The following GSE1 variants were observed in gnomAD, a reference collection of about 807,000 sequenced individuals.
The protein encoded by GSE1 is Gse1 coiled-coil protein.
Under a neutral mutation model 112.6 loss-of-function variants are expected in GSE1, and 32 were observed. That is an observed-to-expected ratio of 0.28 (90% CI 0.21 to 0.38). The LOEUF is 0.38. Ranked by LOEUF, GSE1 falls within the 10% of genes least tolerant of loss-of-function variation. The probability of loss-of-function intolerance (pLI) is 1.00; values close to 1 mark genes in which losing one functional copy is unlikely to be tolerated. For missense variants in GSE1, 2,348 were observed against 1,699.2 expected, an observed-to-expected ratio of 1.38 and a Z score of -6.71; for synonymous variants, 1,115 against 735.6, an observed-to-expected ratio of 1.52 and a Z score of -8.35.
intron 8 of GSE1, chr16:85,659,568 C>A (rs1252340284): frequency 2.0e-5 from 3 of 152,230 alleles, no homozygotes; most frequent in Non-Finnish European, 4.4e-5. Flanking sequence ...TGAACCAGGG[C>A]AGGTCGGAAA....
At chr16:85,591,331 C>G (rs912683754) in intron 1 of GSE1, among the ~76,000 whole-genome samples, 1 of 152,186 alleles carries the variant, frequency 6.6e-6, no homozygotes, top group African/African-American at 2.4e-5. Context: ...CCTGTCACCC[C>G]CAGCCTGAAT....
At chr16:85,478,037 T>C (rs184577664) in intron 2 of GSE1, among the ~76,000 whole-genome samples, 75 of 152,308 alleles carry the variant, frequency 4.9e-4, no homozygotes, top group African/African-American at 1.8e-3. Flanking sequence ...TCCTCATTTC[T>C]GCACCCTGGC....
At chr16:85,426,418 G>GTGAATGGATGAGTGAA (rs2048990098) in intron 2 of GSE1, among the ~76,000 whole-genome samples, 1 of 125,128 alleles carries the variant, frequency 8.0e-6, no homozygotes, top group East Asian at 2.7e-4. Context: ...GGATGGATGA[G>GTGAATGGATGAGTGAA]TGAATGGATG....
chr16:85,626,126 G>T (rs916009649), intron 1 of GSE1, among the ~76,000 whole-genome samples: 1 of 151,996 alleles, frequency 6.6e-6, no homozygotes, highest in African/African-American at 2.4e-5. Flanking sequence ...GCCTGGGGGG[G>T]TGTTTTTATT....
At chr16:85,466,482 A>C (rs1597839398) in intron 2 of GSE1, among the ~76,000 whole-genome samples, 1 of 152,320 alleles carries the variant, frequency 6.6e-6, no homozygotes, top group East Asian at 1.9e-4. Flanking sequence ...GCACACTGGC[A>C]GCTGAGCTCG....
intron 1 of GSE1, among the ~76,000 whole-genome samples, chr16:85,269,173 T>C (rs949845715): frequency 3.4e-5 from 5 of 149,234 alleles, no homozygotes; most frequent in African/African-American, 1.2e-4. Flanking sequence ...TGCCATCTAA[T>C]ATGGAGAGAT....
chr16:85,445,767 G>C (rs1292920340), intron 2 of GSE1, among the ~76,000 whole-genome samples: 6 of 152,298 alleles, frequency 3.9e-5, no homozygotes, highest in African/African-American at 1.2e-4. Flanking sequence ...CTGGTGGGTG[G>C]CTGGCCTGCT....
At chr16:85,172,728 G>C (rs1486943137) in intron 1 of GSE1, among the ~76,000 whole-genome samples, 1 of 152,232 alleles carries the variant, frequency 6.6e-6, no homozygotes, top group East Asian at 1.9e-4. Flanking sequence ...GGCCATGTGT[G>C]GGCAGAGGGA....
chr16:85,578,974 C>T (rs994971307), intron 1 of GSE1, among the ~76,000 whole-genome samples: 1 of 152,160 alleles, frequency 6.6e-6, no homozygotes, highest in African/African-American at 2.4e-5. Flanking sequence ...CATCCTGATG[C>T]TGGCACAGTA....
intron 1 of GSE1, among the ~76,000 whole-genome samples, chr16:85,355,353 G>T (rs1330945316): frequency 1.3e-5 from 2 of 152,204 alleles, no homozygotes; most frequent in Non-Finnish European, 2.9e-5. Context: ...ACAGTTCGTT[G>T]TTCAAGCTGG....
At chr16:85,518,459 G>A (rs2052028135) in intron 2 of GSE1, among the ~76,000 whole-genome samples, 1 of 152,104 alleles carries the variant, frequency 6.6e-6, no homozygotes, top group African/African-American at 2.4e-5. Flanking sequence ...GGAAACCGAG[G>A]CGCAGAAGTA....
chr16:85,519,293 T>C (rs2052061317), intron 2 of GSE1, among the ~76,000 whole-genome samples: 1 of 129,790 alleles, frequency 7.7e-6, no homozygotes, highest in Non-Finnish European at 1.8e-5. Context: ...ACCACCACCA[T>C]CACCGGTCTC....
intron 1 of GSE1, among the ~76,000 whole-genome samples, chr16:85,577,262 G>A (rs2151368675): frequency 6.6e-6 from 1 of 152,346 alleles, no homozygotes; most frequent in African/African-American, 2.4e-5. Flanking sequence ...CCAGAAAGTG[G>A]AGGTGCCCAG....
At chr16:85,447,174 C>T (rs557906812) in intron 2 of GSE1, among the ~76,000 whole-genome samples, 40 of 152,260 alleles carry the variant, frequency 2.6e-4, no homozygotes, top group African/African-American at 9.1e-4. Context: ...GCCCACCTTG[C>T]CTGCTTTGCA....
chr16:85,419,259 A>G lies in GSE1; in HGVS notation c.2464+61616A>G, dbSNP rs539839259. The stretch of plus-strand genomic sequence containing the variant: ...CCTGCCCTTACAAAAGGTTCACCTC[A>G]TAGAGGGCGCTAGAGGCCACCTCAG... On this transcript the variant is annotated intron_variant, in intron 2 of 2. Transcript: ENST00000637419. The surrounding 1 kb of genome is among the most constrained non-coding windows in gnomAD (Gnocchi z 6.5). 2.0e-5 allele frequency among the ~76,000 whole-genome samples: 3 copies of G among 152,312 alleles called. No homozygotes were observed. In the East Asian group the frequency reaches 5.8e-4, roughly 29 times the overall value.
intron 1 of GSE1, among the ~76,000 whole-genome samples, chr16:85,224,534 A>T (rs975856780): frequency 2.0e-5 from 3 of 152,004 alleles, no homozygotes; most frequent in Non-Finnish European, 4.4e-5. Flanking sequence ...CAGTATCCAG[A>T]CTCATTCATT....
chr16:85,626,545 T>A (rs1389278332), intron 1 of GSE1, among the ~76,000 whole-genome samples: 1 of 152,152 alleles, frequency 6.6e-6, no homozygotes, highest in Admixed American at 6.5e-5. Flanking sequence ...AGGTCCAGAT[T>A]GTGTGTGCGG....
At chr16:85,563,184 T>G (rs1224074017) in intron 1 of GSE1, among the ~76,000 whole-genome samples, 1 of 144,232 alleles carries the variant, frequency 6.9e-6, no homozygotes, top group Non-Finnish European at 1.5e-5. Context: ...CTCCTCCTCC[T>G]CTTCCTTTTT....
intron 1 of GSE1, among the ~76,000 whole-genome samples, chr16:85,260,500 T>C (rs1246360665): frequency 1.3e-5 from 2 of 152,050 alleles, no homozygotes; most frequent in Non-Finnish European, 2.9e-5. Context: ...TTTTTGTATT[T>C]TTAATAGAGA....
Sources: gnomAD v4.1 joint callset for allele counts (sites outside exome capture counted in the v4.1 genomes callset) on GRCh38, gnomAD v4.1.1 for gene constraint, Gnocchi (gnomAD v3.1) non-coding constraint, MANE v1.5 for transcripts, NCBI Gene and HGNC (gene_info 2026-07-23, HGNC 2026-07-21) for gene names.